Variants in ADGRL3 observed in about 807,000 individuals in gnomAD.
ADGRL3 encodes calcium-independent alpha-latrotoxin receptor 3.
ADGRL3 carries 62 observed loss-of-function variants against 153.5 expected under a neutral mutation model. The observed-to-expected ratio is 0.40, with a 90% CI of 0.33 to 0.50. The LOEUF (loss-of-function observed/expected upper bound fraction) is 0.50, where lower values mean the gene tolerates loss of function less well. Among genes scored for constraint, ADGRL3 ranks in the 20% least tolerant of loss-of-function variants. ADGRL3 has a pLI of 0.47. For missense variants in ADGRL3, 1,641 were observed against 1,859.4 expected (o/e 0.88, Z 2.16); for synonymous variants, 710 against 672.5 (o/e 1.06, Z -0.86).
intron 4 of ADGRL3, among the ~76,000 whole-genome samples, chr4:61,542,379 G>C (rs2148655458): frequency 6.6e-6 from 1 of 152,214 alleles, no homozygotes; most frequent in African/African-American, 2.4e-5. Context: ...GCTGCAAAAA[G>C]TTCCCCTACG....
chr4:61,605,480 T>TA (rs1267024108), intron 5 of ADGRL3, among the ~76,000 whole-genome samples: 1 of 152,158 alleles, frequency 6.6e-6, no homozygotes, highest in Admixed American at 6.6e-5. Flanking sequence ...TGGTACTCTG[T>TA]AGAAGCATCT....
chr4:62,046,622 ATAAAT>A (rs1731259731), intron 25 of ADGRL3, among the ~76,000 whole-genome samples: 1 of 151,984 alleles, frequency 6.6e-6, no homozygotes, highest in African/African-American at 2.4e-5. Context: ...GTGACGTTGA[ATAAAT>A]TAATTTAATG....
rs1324779822 is a variant in ADGRL3, at chr4:61,855,766, C to T, written c.1481-36890C>T. ...ACCTAAATAGTGACAGATGTAATTT[C>T]TTTCTTTTTTTTTCAGCCACTATTT... On this transcript the variant is annotated intron_variant, in intron 9 of 26. Coordinates refer to ENST00000683033, the MANE Select transcript of ADGRL3 (RefSeq NM_001387552.1). Among the ~76,000 whole-genome samples the T allele has an allele frequency of 2.0e-5, 3 of 151,930 alleles. No homozygotes were observed. In the East Asian group the frequency reaches 5.8e-4, roughly 29 times the overall value.
At chr4:61,307,704 CA>C (rs1347457629) in intron 1 of ADGRL3, among the ~76,000 whole-genome samples, 5 of 151,992 alleles carry the variant, frequency 3.3e-5, no homozygotes, top group African/African-American at 1.2e-4. Flanking sequence ...ATATGTTTTG[CA>C]TATAAATGTA....
chr4:62,032,389 T>A (rs145915876), intron 23 of ADGRL3, among the ~76,000 whole-genome samples: 592 of 151,674 alleles, frequency 3.9e-3, no homozygotes, highest in Non-Finnish European at 6.4e-3. Context: ...TAAAATGTGA[T>A]CTCGATAGGT....
At chr4:61,567,656 A>G (rs192082110) in intron 4 of ADGRL3, among the ~76,000 whole-genome samples, 2 of 152,306 alleles carry the variant, frequency 1.3e-5, no homozygotes, top group Admixed American at 1.3e-4. Context: ...TTAGTAGCCC[A>G]AAGAGACTAG....
At chr4:62,007,387 C>CGTATATAT (rs2099163828) in intron 21 of ADGRL3, among the ~76,000 whole-genome samples, 1 of 34,776 alleles carries the variant, frequency 2.9e-5, no homozygotes, top group African/African-American at 1.1e-4. Flanking sequence ...TATATATACA[C>CGTATATAT]ACACACACAT....
chr4:61,672,872 T>C (rs1286437429), intron 5 of ADGRL3, among the ~76,000 whole-genome samples: 1 of 152,022 alleles, frequency 6.6e-6, no homozygotes, highest in African/African-American at 2.4e-5. Flanking sequence ...ATATCTGTAG[T>C]CTCACGTTCC....
chr4:61,474,924 C>T (rs2098025185), intron 2 of ADGRL3, among the ~76,000 whole-genome samples: 1 of 151,954 alleles, frequency 6.6e-6, no homozygotes, highest in African/African-American at 2.4e-5. Flanking sequence ...AATTACTGTC[C>T]CAGGCTTATT....
chr4:62,051,796 A>C (rs1370757891), intron 25 of ADGRL3, among the ~76,000 whole-genome samples: 1 of 151,818 alleles, frequency 6.6e-6, no homozygotes, highest in African/African-American at 2.4e-5. Context: ...AACAAGCTTC[A>C]GTGAGCTACC....
At chr4:61,596,677 A>G (rs771952917) in intron 5 of ADGRL3, among the ~76,000 whole-genome samples, 1 of 151,996 alleles carries the variant, frequency 6.6e-6, no homozygotes, top group Non-Finnish European at 1.5e-5. Flanking sequence ...ACATGGTGAG[A>G]CCTCGTCTCT....
At chr4:61,507,242 G>A (rs2098436525) in intron 3 of ADGRL3, among the ~76,000 whole-genome samples, 1 of 152,088 alleles carries the variant, frequency 6.6e-6, no homozygotes, top group African/African-American at 2.4e-5. Context: ...CAACAGGCTG[G>A]TATGATGCTC....
At chr4:61,516,474 G>A (rs1241370430) in intron 3 of ADGRL3, among the ~76,000 whole-genome samples, 1 of 152,010 alleles carries the variant, frequency 6.6e-6, no homozygotes, top group Non-Finnish European at 1.5e-5. Context: ...TGCAAATAGT[G>A]TAGGGAAATG....
intron 8 of ADGRL3, among the ~76,000 whole-genome samples, chr4:61,744,438 CG>C (rs1437847330): frequency 1.3e-5 from 2 of 152,162 alleles, no homozygotes; most frequent in East Asian, 3.9e-4. Flanking sequence ...CCCTGACCCC[CG>C]AGCAGCCTAA....
intron 1 of ADGRL3, among the ~76,000 whole-genome samples, chr4:61,242,467 A>T (rs1029990172): frequency 3.3e-5 from 5 of 152,066 alleles, no homozygotes; most frequent in South Asian, 4.1e-4. Context: ...TTTTTCTATT[A>T]TCTCATATAT....
intron 1 of ADGRL3, among the ~76,000 whole-genome samples, chr4:61,364,158 C>A (rs2096347581): frequency 6.6e-6 from 1 of 151,274 alleles, no homozygotes; most frequent in Non-Finnish European, 1.5e-5. Context: ...GTTGAAACCC[C>A]GTCTCTACTA....
At chr4:61,761,606 C>A (rs911966885) in intron 8 of ADGRL3, among the ~76,000 whole-genome samples, 1 of 152,074 alleles carries the variant, frequency 6.6e-6, no homozygotes, top group African/African-American at 2.4e-5. Context: ...CCAGCCTGAG[C>A]AACAAAGCAA....
chr4:61,500,288 T>C lies in ADGRL3; in HGVS notation c.55+2940T>C, dbSNP rs79288120. 3.7e-3 allele frequency among the ~76,000 whole-genome samples: 561 copies of C among 152,322 alleles called. 6 individuals carry two copies. The highest frequency in any genetic ancestry group is 0.012 in the African/African-American group (497 of 41,580). Reference sequence around the variant, plus strand: ...CTTTATCCTTTATTTTAAAACTTTGTACCTGAGAAAATACAAGTTGGTTTT... The same window carrying C: ...CTTTATCCTTTATTTTAAAACTTTGCACCTGAGAAAATACAAGTTGGTTTT... On this transcript the variant is annotated intron_variant, in intron 3 of 26. Transcript: ENST00000683033.
chr4:61,311,183 T>A (rs781492494), intron 1 of ADGRL3, among the ~76,000 whole-genome samples: 1 of 152,170 alleles, frequency 6.6e-6, no homozygotes, highest in Non-Finnish European at 1.5e-5. Flanking sequence ...AAATAAGGTA[T>A]TAACACCATA....
Sources: gnomAD v4.1 joint callset for allele counts (sites outside exome capture counted in the v4.1 genomes callset) on GRCh38, gnomAD v4.1.1 for gene constraint, MANE v1.5 for transcripts, NCBI Gene and HGNC (gene_info 2026-07-23, HGNC 2026-07-21) for gene names.